The following ADAMTSL1 variants were observed in gnomAD, a reference collection of about 807,000 sequenced individuals.
ADAMTSL1 encodes ADAMTS like 1.
In ADAMTSL1, 126 loss-of-function variants were observed where a neutral mutation model predicts 201.8. The ratio of observed to expected loss-of-function variants is 0.62; its 90% CI spans 0.54 to 0.72. The LOEUF (loss-of-function observed/expected upper bound fraction) is 0.72. Ranked by LOEUF, ADAMTSL1 falls within the 30% of genes least tolerant of loss-of-function variation. The pLI is 0.00. For synonymous variants in ADAMTSL1, 1,121 were observed against 903.4 expected (o/e 1.24, Z -4.32); for missense variants, 2,679 against 2,277.8 (o/e 1.18, Z -3.59).
intron 1 of ADAMTSL1, among the ~76,000 whole-genome samples, chr9:18,103,220 A>G (rs931207900): frequency 3.9e-5 from 6 of 152,160 alleles, no homozygotes; most frequent in Non-Finnish European, 8.8e-5. Context: ...TTCATTGAAA[A>G]TTAAAGACAT....
chr9:18,070,992 G>T (rs937086940), intron 1 of ADAMTSL1, among the ~76,000 whole-genome samples: 3 of 152,190 alleles, frequency 2.0e-5, no homozygotes, highest in Non-Finnish European at 4.4e-5. Flanking sequence ...TAGACTCAGG[G>T]CTAGACAGGA....
At chr9:18,907,217 G>A (rs919613005) in intron 28 of ADAMTSL1, 5 of 404,162 alleles carry the variant, frequency 1.2e-5, no homozygotes, top group South Asian at 2.9e-5. Context: ...TCTGGCTGGT[G>A]CCCACAGGGT....
At chr9:18,801,616 G>A (rs1340354685) in intron 20 of ADAMTSL1, among the ~76,000 whole-genome samples, 3 of 152,138 alleles carry the variant, frequency 2.0e-5, no homozygotes, top group Non-Finnish European at 4.4e-5. Context: ...CCACTTATAA[G>A]TGAGCACATG....
At chr9:18,718,529 A>C in intron 14 of ADAMTSL1, 1 of 527,668 alleles carries the variant, frequency 1.9e-6, no homozygotes, top group Non-Finnish European at 3.8e-6. Flanking sequence ...CTCATGCATG[A>C]TGCAAACTTG....
intron 26 of ADAMTSL1, 68 bp downstream of exon 26, chr9:18,892,664 GT>G: frequency 6.7e-7 from 1 of 1,499,074 alleles, no homozygotes; most frequent in South Asian, 1.2e-5. Flanking sequence ...ACAGTAGGAA[GT>G]GAAATGCTAT....
At chr9:18,214,279 T>C (rs1829986620) in intron 2 of ADAMTSL1, among the ~76,000 whole-genome samples, 1 of 152,240 alleles carries the variant, frequency 6.6e-6, no homozygotes, top group Admixed American at 6.5e-5. Flanking sequence ...CATGTTATCA[T>C]AAAATCTCTT....
Position 18,680,461 on chromosome 9 carries a change from C to T in ADAMTSL1, c.1286C>T (p.Ala429Val), listed in dbSNP as rs747562381. 48 of 1,614,018 alleles carry T rather than the reference C, an allele frequency of 3.0e-5. No homozygotes were observed. The highest frequency in any genetic ancestry group is 3.3e-4 in the Middle Eastern group (2 of 6,084). Residue 429 changes from alanine (A) to valine (V), a missense_variant, in exon 11 of 29, where the codon GCG becomes GTG. By Grantham distance (64) the Ala-to-Val change is moderately conservative (BLOSUM62 0). Transcript: ENST00000380548. The stretch of plus-strand genomic sequence containing the variant: ...ATGTACACCCCTAAGATGCCCATCG[C>T]GCAGCCCTGCAACATTTTTGACTGC... ...KCMYTPKMPI[A>V]QPCNIFDCPK... is the part of the protein sequence containing the mutation.
Position 18,451,107 on chromosome 9 carries a change from G to A in ADAMTSL1, c.208-53722G>A, listed in dbSNP as rs559041786. ...GCTGTAAGAAGGGGGATTGGGATAG[G>A]AAGCCATCAGCACACCACAGCTGCA... On this transcript the variant is annotated intron_variant, in intron 2 of 29. Coordinates refer to the ADAMTSL1 transcript ENST00000680146. Among the ~76,000 whole-genome samples the A allele has an allele frequency of 8.5e-5, 13 of 152,262 alleles. No homozygotes were observed. The South Asian group carries it at 2.7e-3, about 32-fold the overall frequency.
intron 2 of ADAMTSL1, among the ~76,000 whole-genome samples, chr9:18,271,637 C>G (rs993288025): frequency 7.2e-5 from 11 of 152,150 alleles, no homozygotes; most frequent in African/African-American, 2.7e-4. Flanking sequence ...AATAAACATA[C>G]ATGTGCATGT....
rs1287207452 is a variant in ADAMTSL1 at position 17,947,521 on chromosome 9, A to AAAC, written c.87+40602_87+40604dup. 2.6e-5 allele frequency among the ~76,000 whole-genome samples: 4 copies of AAAC among 152,132 alleles called. No homozygotes were observed. In the East Asian group the frequency reaches 7.7e-4, roughly 29 times the overall value. ...TTTTTGTTTTGTATTTGTATCACAA[A>AAAC]AACAAATACATTTATTTTCAGTGAT... On this transcript the variant is annotated intron_variant, in intron 1 of 29. Transcript: ENST00000680146.
chr9:18,526,101 A>G (rs1291370691), intron 2 of ADAMTSL1, among the ~76,000 whole-genome samples: 1 of 152,116 alleles, frequency 6.6e-6, no homozygotes, highest in African/African-American at 2.4e-5. Context: ...GTCTCTAAGG[A>G]CTTGCTTTAT....
At chr9:18,579,419 A>G (rs34824201) in intron 4 of ADAMTSL1, among the ~76,000 whole-genome samples, 46,574 of 146,354 alleles carry the variant, frequency 0.32, 7,678 homozygotes, top group Admixed American at 0.36. Context: ...TGGGTGCAGC[A>G]CACCAGCATG....
chr9:18,736,921 C>G (rs1338098569), intron 15 of ADAMTSL1, among the ~76,000 whole-genome samples: 1 of 152,114 alleles, frequency 6.6e-6, no homozygotes, highest in Non-Finnish European at 1.5e-5. Context: ...CCCCAAAACC[C>G]TCCTCTGTAA....
chr9:18,304,854 T>C (rs1833847364), intron 2 of ADAMTSL1, among the ~76,000 whole-genome samples: 1 of 152,304 alleles, frequency 6.6e-6, no homozygotes, highest in Middle Eastern at 3.4e-3. Context: ...TTATAAGAAA[T>C]AGAAAAATGT....
At chr9:18,020,589 C>G (rs1820439764) in intron 1 of ADAMTSL1, among the ~76,000 whole-genome samples, 1 of 152,102 alleles carries the variant, frequency 6.6e-6, no homozygotes, top group South Asian at 2.1e-4. Flanking sequence ...TGAGAACTCA[C>G]TATCAACAGA....
chr9:18,406,304 CTT>C, intron 2 of ADAMTSL1, among the ~76,000 whole-genome samples: 1 of 111,084 alleles, frequency 9.0e-6, no homozygotes, highest in Admixed American at 8.9e-5. Context: ...CTTTTCTTTT[CTT>C]TTCTTTTCTT....
intron 3 of ADAMTSL1, among the ~76,000 whole-genome samples, chr9:18,547,829 A>G (rs1382066871): frequency 6.6e-6 from 1 of 151,894 alleles, no homozygotes; most frequent in East Asian, 1.9e-4. Flanking sequence ...ATTTTAGTAC[A>G]GTATCTGATT....
At chr9:18,755,084 G>A (rs758934571) in intron 16 of ADAMTSL1, among the ~76,000 whole-genome samples, 8 of 152,158 alleles carry the variant, frequency 5.3e-5, no homozygotes, top group Non-Finnish European at 1.2e-4. Flanking sequence ...TATTGTGTAT[G>A]GCTAAAAGGC....
intron 7 of ADAMTSL1, among the ~76,000 whole-genome samples, chr9:18,649,338 C>G (rs1280410605): frequency 6.6e-6 from 1 of 151,876 alleles, no homozygotes; most frequent in Non-Finnish European, 1.5e-5. Context: ...TTTGAATTTC[C>G]TCCTGTAGCT....
Sources: allele counts gnomAD v4.1 joint callset (sites outside exome capture counted in the v4.1 genomes callset), GRCh38; gene constraint gnomAD v4.1.1; transcripts MANE v1.5; gene names NCBI Gene and HGNC (gene_info 2026-07-23, HGNC 2026-07-21).